The following GLI3 variants were observed in gnomAD, a reference collection of about 807,000 sequenced individuals.
GLI3 encodes transcription activator GLI3.
GLI3 carries 20 observed loss-of-function variants against 100.8 expected under a neutral mutation model. That is an observed-to-expected ratio of 0.20 (90% CI 0.14 to 0.29). The LOEUF (loss-of-function observed/expected upper bound fraction) is 0.29, where lower values mean the gene tolerates loss of function less well. Among genes scored for constraint, GLI3 ranks in the 10% least tolerant of loss-of-function variants. The pLI, the probability that GLI3 is intolerant of heterozygous loss-of-function variation, is 1.00. For synonymous variants in GLI3, 938 were observed against 860.5 expected (o/e 1.09, Z -1.58); for missense variants, 2,040 against 2,128.5 (o/e 0.96, Z 0.82).
chr7:42,011,062 G>A (rs1053474412), intron 10 of GLI3, among the ~76,000 whole-genome samples: 1 of 152,224 alleles, frequency 6.6e-6, no homozygotes, highest in Non-Finnish European at 1.5e-5. Flanking sequence ...TTATTTGTCT[G>A]AGTCCACCTA....
intron 2 of GLI3, among the ~76,000 whole-genome samples, chr7:42,200,355 A>C (rs1788013143): frequency 6.6e-6 from 1 of 152,236 alleles, no homozygotes; most frequent in Non-Finnish European, 1.5e-5. Context: ...AAGCCAACTC[A>C]GACAGGAAAA....
intron 3 of GLI3, among the ~76,000 whole-genome samples, chr7:42,134,547 T>G (rs1320775887): frequency 6.6e-6 from 1 of 152,154 alleles, no homozygotes; most frequent in Non-Finnish European, 1.5e-5. Context: ...TATTAGATTT[T>G]GGGGACAGGA....
rs111780457 is a variant in GLI3 at position 42,223,067 on chromosome 7, A to G, written c.124+63T>C. 151 of 1,596,454 alleles carry G rather than the reference A, an allele frequency of 9.5e-5. 4 individuals carry two copies. The African/African-American group carries it at 1.4e-3, about 15-fold the overall frequency. On this transcript the variant is annotated intron_variant, in intron 2 of 14. Transcript: ENST00000395925. ...TCCAGGTGCAAACGCTCAATTCACA[A>G]GGAATGCAGAGAACACAGAAATGAC...
At chr7:42,216,980 T>G (rs1390215562) in intron 2 of GLI3, among the ~76,000 whole-genome samples, 1 of 152,196 alleles carries the variant, frequency 6.6e-6, no homozygotes, top group Non-Finnish European at 1.5e-5. Context: ...TACAAGTAGC[T>G]GGGAGTCACT....
intron 1 of GLI3, among the ~76,000 whole-genome samples, chr7:42,263,945 A>C (rs1789172996): frequency 6.6e-6 from 1 of 152,236 alleles, no homozygotes; most frequent in Non-Finnish European, 1.5e-5. Flanking sequence ...GGTTATTGCT[A>C]ACTTACCTAC....
chr7:42,236,654 G>A (rs1562796819), intron 1 of GLI3, among the ~76,000 whole-genome samples: 1 of 152,180 alleles, frequency 6.6e-6, no homozygotes, highest in Non-Finnish European at 1.5e-5. Context: ...GAACCCTTTG[G>A]ATGGGGGCGG....
chr7:42,092,234 C>A (rs1000870919), intron 3 of GLI3, among the ~76,000 whole-genome samples: 8 of 152,190 alleles, frequency 5.3e-5, no homozygotes, highest in Admixed American at 3.9e-4. Context: ...TGGATAAAGT[C>A]ATCTGAGAAA....
intron 2 of GLI3, among the ~76,000 whole-genome samples, chr7:42,222,198 A>C (rs1788499277): frequency 1.3e-5 from 2 of 152,224 alleles, no homozygotes; most frequent in South Asian, 4.1e-4. Flanking sequence ...AAAACTTGTA[A>C]ATCAATCAAG....
chr7:42,140,626 A>G (rs997494233), intron 3 of GLI3, among the ~76,000 whole-genome samples: 1 of 152,232 alleles, frequency 6.6e-6, no homozygotes, highest in African/African-American at 2.4e-5. Context: ...AGAGCAATAA[A>G]ATGCCAGATC....
intron 1 of GLI3, among the ~76,000 whole-genome samples, chr7:42,258,192 T>C (rs1222848730): frequency 1.3e-5 from 2 of 152,224 alleles, no homozygotes; most frequent in Non-Finnish European, 2.9e-5. Context: ...CTGTGTATTA[T>C]ACATACTGAA....
rs972754174 is a variant in GLI3, at chr7:41,962,698, CTCTT to C, written c.*1628_*1631del. 3 of 152,168 alleles carry C rather than the reference CTCTT, an allele frequency of 2.0e-5. No homozygotes were observed. Among genetic ancestry groups the C allele is most frequent in the East Asian group, 1.9e-4 (1 of 5,194 alleles). 9.4% of individuals were successfully genotyped at this position (152,168 alleles called of 1,614,324 possible). ...TGAGAAAAGTGGGCTGGTCTTAACA[CTCTT>C]TCTATTATCTAACACTTTATTTTAC... On this transcript the variant is annotated 3_prime_UTR_variant, in exon 15 of 15. Coordinates refer to ENST00000395925, the MANE Select transcript of GLI3 (RefSeq NM_000168.6).
chr7:42,228,517 T>C (rs1788630739), intron 1 of GLI3, among the ~76,000 whole-genome samples: 1 of 152,164 alleles, frequency 6.6e-6, no homozygotes, highest in South Asian at 2.1e-4. Flanking sequence ...TCACGGGCAT[T>C]TGCAAACTCT....
At chr7:42,182,298 G>A (rs886268566) in intron 2 of GLI3, among the ~76,000 whole-genome samples, 2 of 151,922 alleles carry the variant, frequency 1.3e-5, no homozygotes, top group African/African-American at 4.8e-5. Context: ...AATACGGTGA[G>A]TGGCTACCAT....
chr7:41,997,947 G>A (rs1788172407), intron 10 of GLI3, among the ~76,000 whole-genome samples: 1 of 152,134 alleles, frequency 6.6e-6, no homozygotes, highest in African/African-American at 2.4e-5. Flanking sequence ...CTTGCTCTAC[G>A]TCAGAGGAGG....
At chr7:41,978,827 A>T (rs1226568757) in intron 10 of GLI3, 79 bp from the exon 11 acceptor site, 7 of 1,260,368 alleles carry the variant, frequency 5.6e-6, no homozygotes, top group Non-Finnish European at 8.1e-6. Flanking sequence ...AAATGCAGAA[A>T]ATACCCCAAT....
At chr7:42,117,635 T>A (rs1160229276) in intron 3 of GLI3, among the ~76,000 whole-genome samples, 1 of 152,168 alleles carries the variant, frequency 6.6e-6, no homozygotes, top group Non-Finnish European at 1.5e-5. Flanking sequence ...GTGAAAATAG[T>A]TTTGACTTGT....
rs551979226 is a variant in GLI3, at chr7:42,191,514, T to C, written c.124+31616A>G. The stretch of plus-strand genomic sequence containing the variant: ...CTAAAAATACAAAATTAGCTGGGCA[T>C]GTTGGTGCATGCCTGTAATCCCAGC... On this transcript the variant is annotated intron_variant, in intron 2 of 14. Coordinates refer to ENST00000395925, the MANE Select transcript of GLI3 (RefSeq NM_000168.6). 8.5e-4 allele frequency among the ~76,000 whole-genome samples: 130 copies of C among 152,146 alleles called. 1 individual carries two copies. The highest frequency in any genetic ancestry group is 1.4e-3 in the Non-Finnish European group (98 of 67,992).
At chr7:42,026,517 A>G (rs1010371352) in intron 7 of GLI3, 105 bp from the exon 8 acceptor site, 1 of 878,194 alleles carries the variant, frequency 1.1e-6, no homozygotes, top group Non-Finnish European at 1.9e-6. Context: ...TCCCAAATCA[A>G]ATTTGTTTAA....
At chr7:42,054,515 T>C (rs1459389830) in intron 4 of GLI3, among the ~76,000 whole-genome samples, 4 of 152,140 alleles carry the variant, frequency 2.6e-5, no homozygotes, top group African/African-American at 9.7e-5. Flanking sequence ...AATATGTTGG[T>C]TTTTTACATA....
Sources: gnomAD v4.1 joint callset for allele counts (sites outside exome capture counted in the v4.1 genomes callset) on GRCh38, gnomAD v4.1.1 for gene constraint, MANE v1.5 for transcripts, NCBI Gene and HGNC (gene_info 2026-07-23, HGNC 2026-07-21) for gene names.